The following MTMR1 variants were observed in gnomAD, a reference collection of about 807,000 sequenced individuals.
MTMR1 encodes the protein myotubularin related protein 1.
MTMR1 carries 17 observed loss-of-function variants against 51.6 expected under a neutral mutation model. The observed-to-expected ratio is 0.33, with a 90% confidence interval of 0.23 to 0.49. The LOEUF (loss-of-function observed/expected upper bound fraction) is 0.49, where lower values mean the gene tolerates loss of function less well. Ranked by LOEUF, MTMR1 falls within the 20% of genes least tolerant of loss-of-function variation. The probability of loss-of-function intolerance (pLI) is 0.99; values close to 1 mark genes in which losing one functional copy is unlikely to be tolerated. For synonymous variants in MTMR1, 201 were observed against 205.6 expected, an observed-to-expected ratio of 0.98 and a Z score of 0.19; for missense variants, 386 against 526.9, an observed-to-expected ratio of 0.73 and a Z score of 2.62.
At chrX:150,748,758 A>T (rs1360894623) in intron 13 of MTMR1, among the ~76,000 whole-genome samples, 1 of 110,990 alleles carries the variant, frequency 9.0e-6, no homozygotes, top group Non-Finnish European at 1.9e-5. Context: ...TGAGCCTGGG[A>T]CGTTGAGGCT....
chrX:150,750,745 G>A lies in MTMR1; in HGVS notation c.1582G>A (p.Glu528Lys). ...QMTRQFPSAF[E>K]FNELFLITIL... ...TTCATTTAAGTTTCCTTCAGCATTCGAGTTTAATGAGCTATTCTTGATTAC... is the reference window on the plus strand; with the variant it reads ...TTCATTTAAGTTTCCTTCAGCATTCAAGTTTAATGAGCTATTCTTGATTAC... The change falls in exon 14 of 16, where the codon GAG becomes AAG. Residue 528 changes from glutamate (E) to lysine (K), a missense_variant. Physicochemically the swap from Glu to Lys is moderately conservative, Grantham distance 56. Transcript: ENST00000445323. 3 of 1,193,635 alleles carry A rather than the reference G, an allele frequency of 2.5e-6. No homozygotes were observed. Among genetic ancestry groups the A allele is most frequent in the Non-Finnish European group, 3.4e-6 (3 of 882,869 alleles).
At chrX:150,695,597 A>G (rs2040641827) in intron 1 of MTMR1, among the ~76,000 whole-genome samples, 1 of 112,180 alleles carries the variant, frequency 8.9e-6, no homozygotes, top group East Asian at 2.8e-4. Flanking sequence ...TGTTGCTGAG[A>G]TGGAGAAGTC....
intron 14 of MTMR1, among the ~76,000 whole-genome samples, chrX:150,754,434 T>C (rs1278715237): frequency 8.9e-6 from 1 of 112,886 alleles, no homozygotes; most frequent in East Asian, 2.8e-4. Flanking sequence ...GAAAATGCTG[T>C]TGGCCTTGCC....
At chrX:150,700,459 G>A (rs2040868875) in intron 2 of MTMR1, among the ~76,000 whole-genome samples, 1 of 112,387 alleles carries the variant, frequency 8.9e-6, no homozygotes, top group Non-Finnish European at 1.9e-5. Context: ...TGGATAATCT[G>A]CCCAGCTAGA....
At chrX:150,735,729 T>A (rs1301665449) in intron 10 of MTMR1, 4 of 314,003 alleles carry the variant, frequency 1.3e-5, no homozygotes, top group Non-Finnish European at 2.2e-5. Flanking sequence ...TGTGTACACA[T>A]TGTGGAATGG....
intron 15 of MTMR1, among the ~76,000 whole-genome samples, chrX:150,760,735 C>T (rs1222845180): frequency 1.8e-5 from 2 of 111,042 alleles, no homozygotes; most frequent in East Asian, 5.7e-4. Flanking sequence ...ACTAGCCTGG[C>T]CAACATAGTG....
At chrX:150,762,523 G>A in intron 15 of MTMR1, 42 bp from the exon 16 acceptor site, 1 of 1,206,589 alleles carries the variant, frequency 8.3e-7, no homozygotes, top group Non-Finnish European at 1.1e-6. Context: ...GCTGTGGTAG[G>A]AGGATGGCCT....
intron 2 of MTMR1, among the ~76,000 whole-genome samples, chrX:150,705,212 C>T (rs1557416041): frequency 9.0e-6 from 1 of 111,672 alleles, no homozygotes; most frequent in Non-Finnish European, 1.9e-5. Flanking sequence ...ATGAACAGAG[C>T]CTCAGGGAAT....
At chrX:150,753,818 T>G (rs1378153444) in intron 14 of MTMR1, among the ~76,000 whole-genome samples, 1 of 112,546 alleles carries the variant, frequency 8.9e-6, no homozygotes, top group Non-Finnish European at 1.9e-5. Context: ...CAAAAGTTTT[T>G]AATTTTGATG....
intron 3 of MTMR1, among the ~76,000 whole-genome samples, chrX:150,718,280 C>T (rs2041614158): frequency 8.9e-6 from 1 of 112,438 alleles, no homozygotes; most frequent in Non-Finnish European, 1.9e-5. Flanking sequence ...AGAAGGTAAC[C>T]TTTTTCTGGC....
At chrX:150,729,911 C>T (rs782667583) in intron 6 of MTMR1, among the ~76,000 whole-genome samples, 198 bp from the exon 7 acceptor site, 11 of 111,020 alleles carry the variant, frequency 9.9e-5, no homozygotes, top group South Asian at 3.9e-4. Context: ...CCCAGCTACT[C>T]GGGAGGCTGA....
chrX:150,740,124 T>TTG (rs1324905575), intron 12 of MTMR1, among the ~76,000 whole-genome samples: 1 of 111,673 alleles, frequency 9.0e-6, no homozygotes, highest in African/African-American at 3.3e-5. Context: ...AAAAACCCTC[T>TTG]TGACCCCACA....
rs1275608657 is a variant in MTMR1 at position 150,693,582 on chromosome X, C to T, written c.52C>T (p.Pro18Ser). Residue 18 changes from proline to serine, a missense_variant, in exon 1 of 16, where the codon CCG (proline) becomes TCG (serine). Coordinates refer to ENST00000445323, the MANE Select transcript of MTMR1 (RefSeq NM_001306144.3). ...AAAGCEGGGG[P>S]NPGPAGGRRP... ...GGCGGGCTGCGAGGGCGGCGGGGGC[C>T]CGAACCCGGGGCCGGCGGGCGGCAG... 4.0e-6 allele frequency: 3 copies of T among 759,120 alleles called. No individual in the cohort carries two copies. The highest frequency in any genetic ancestry group is 1.5e-4 in the East Asian group (1 of 6,816). 62.6% of individuals were successfully genotyped at this position (759,120 alleles called of 1,213,427 possible). A position where few individuals can be genotyped will look rare whatever the true frequency, so the allele number is the denominator to read the frequency against.
chrX:150,730,225 G>A lies in MTMR1; in HGVS notation c.657+15G>A. The stretch of plus-strand genomic sequence containing the variant: ...CTAACGGACAGGTAAATACACCAGA[G>A]TAAACCTTTTCTGCATGCATTTGTG... On this transcript the variant is annotated intron_variant, in intron 7 of 15. Transcript: ENST00000445323. The A allele has an allele frequency of 9.1e-7, 1 of 1,093,503 alleles. No individual in the cohort carries two copies. The highest frequency in any genetic ancestry group is 2.5e-5 in the Admixed American group (1 of 39,679). 90.1% of individuals were successfully genotyped at this position (1,093,503 alleles called of 1,213,427 possible).
At chrX:150,748,720 T>A (rs189129150) in intron 13 of MTMR1, among the ~76,000 whole-genome samples, 504 of 110,073 alleles carry the variant, frequency 4.6e-3, no homozygotes, top group African/African-American at 0.016. Flanking sequence ...TCCCAGCTAC[T>A]TGGCAGGCTG....
chrX:150,707,906 A>G (rs2041170260), intron 2 of MTMR1, among the ~76,000 whole-genome samples: 1 of 112,429 alleles, frequency 8.9e-6, no homozygotes, highest in Non-Finnish European at 1.9e-5. Flanking sequence ...AAAAGAAATA[A>G]TGATACACAC....
At chrX:150,729,035 C>T (rs1299245196) in intron 6 of MTMR1, among the ~76,000 whole-genome samples, 2 of 110,305 alleles carry the variant, frequency 1.8e-5, no homozygotes, top group Admixed American at 9.7e-5. Context: ...AACATGTCGT[C>T]CCCTTTCTCA....
At chrX:150,693,388 C>T (rs1208760358), upstream of MTMR1, 1 of 718,927 alleles carries the variant, frequency 1.4e-6, no homozygotes, top group Non-Finnish European at 1.6e-6. Flanking sequence ...AACGCGGGGC[C>T]GCCAGGTGAC....
intron 6 of MTMR1, 94 bp from the exon 7 acceptor site, chrX:150,730,015 T>TA (rs782006836): frequency 4.3e-4 from 215 of 496,266 alleles, no homozygotes; most frequent in Non-Finnish European, 5.2e-4. Flanking sequence ...AGAAATGAAT[T>TA]AAAAAAAAAT....
Sources: gnomAD v4.1 joint callset for allele counts (sites outside exome capture counted in the v4.1 genomes callset) on GRCh38, gnomAD v4.1.1 for gene constraint, MANE v1.5 for transcripts, NCBI Gene and HGNC (gene_info 2026-07-23, HGNC 2026-07-21) for gene names.